The following CDK19 variants were observed in gnomAD, a reference collection of about 807,000 sequenced individuals.
CDK19 encodes the protein cyclin-dependent kinase 19.
A neutral mutation model predicts 68.3 loss-of-function variants in CDK19; 20 were observed. The observed-to-expected ratio is 0.29, with a 90% CI of 0.21 to 0.43. The LOEUF (loss-of-function observed/expected upper bound fraction) is 0.43. Among genes scored for constraint, CDK19 ranks in the 20% least tolerant of loss-of-function variants. The pLI is 1.00. For synonymous variants in CDK19, 221 were observed against 222.8 expected (o/e 0.99, Z 0.07); for missense variants, 339 against 623.5 (o/e 0.54, Z 4.86).
At chr6:110,749,396 CA>C (rs1778302095) in intron 1 of CDK19, among the ~76,000 whole-genome samples, 1 of 135,062 alleles carries the variant, frequency 7.4e-6, no homozygotes, top group African/African-American at 3.1e-5. Flanking sequence ...TTTTTTGAGA[CA>C]AATGTGTCCC....
chr6:110,627,520 T>C (rs1432378272), intron 6 of CDK19, among the ~76,000 whole-genome samples: 1 of 152,080 alleles, frequency 6.6e-6, no homozygotes, highest in African/African-American at 2.4e-5. Flanking sequence ...TCTAACCACT[T>C]TTTTTGTTGT....
chr6:110,646,358 C>G (rs535531180), intron 4 of CDK19: 1 of 1,465,366 alleles, frequency 6.8e-7, no homozygotes, highest in Non-Finnish European at 9.0e-7. Context: ...AGTGCCTCTT[C>G]CATGTGGGCG....
chr6:110,720,799 A>T (rs947171575), intron 2 of CDK19, among the ~76,000 whole-genome samples: 2 of 148,040 alleles, frequency 1.4e-5, no homozygotes, highest in Non-Finnish European at 1.5e-5. Context: ...CCCGGGAAGC[A>T]GAGGCTGCAG....
At chr6:110,793,913 C>T (rs1781758712) in intron 1 of CDK19, among the ~76,000 whole-genome samples, 1 of 152,180 alleles carries the variant, frequency 6.6e-6, no homozygotes, top group Admixed American at 6.6e-5. Context: ...CCAGCATGCC[C>T]CATCTCTGGA....
intron 1 of CDK19, among the ~76,000 whole-genome samples, chr6:110,803,334 C>T (rs1437553866): frequency 2.0e-5 from 3 of 152,332 alleles, no homozygotes; most frequent in African/African-American, 7.2e-5. Flanking sequence ...CCGCCTTGGC[C>T]TCCCAAAGTG....
At chr6:110,697,954 C>T (rs1190590673) in intron 2 of CDK19, among the ~76,000 whole-genome samples, 1 of 152,118 alleles carries the variant, frequency 6.6e-6, no homozygotes, top group Non-Finnish European at 1.5e-5. Context: ...GGATAATTCA[C>T]AAGCCACAGG....
intron 1 of CDK19, among the ~76,000 whole-genome samples, chr6:110,805,585 A>G (rs1250189390): frequency 6.6e-6 from 1 of 152,146 alleles, no homozygotes; most frequent in Non-Finnish European, 1.5e-5. Context: ...TGGAGAACCC[A>G]CCTATACAAA....
chr6:110,717,105 G>A (rs1163682856), intron 2 of CDK19, among the ~76,000 whole-genome samples: 3 of 152,096 alleles, frequency 2.0e-5, no homozygotes, highest in African/African-American at 7.2e-5. Context: ...TTCAGCCTGG[G>A]CAACAGAGCA....
chr6:110,705,955 C>T (rs1407259436), intron 2 of CDK19, among the ~76,000 whole-genome samples: 26 of 152,124 alleles, frequency 1.7e-4, no homozygotes, highest in Non-Finnish European at 4.4e-5. Context: ...ATGTAATAAA[C>T]CTGCACGTTC....
chr6:110,786,069 G>C (rs1328470609), intron 1 of CDK19, among the ~76,000 whole-genome samples: 1 of 151,690 alleles, frequency 6.6e-6, no homozygotes, highest in Admixed American at 6.6e-5. Flanking sequence ...GCAATGTTTT[G>C]GTATGGTACC....
At chr6:110,617,924 C>T (rs1778446401) in intron 12 of CDK19, among the ~76,000 whole-genome samples, 1 of 147,438 alleles carries the variant, frequency 6.8e-6, no homozygotes, top group Non-Finnish European at 1.5e-5. Flanking sequence ...GCTTAAAAAC[C>T]TAGGACATCA....
At chr6:110,641,676 A>AGGAAGGAAGGAAGGAAGGAG in intron 4 of CDK19, among the ~76,000 whole-genome samples, 3 of 151,134 alleles carry the variant, frequency 2.0e-5, no homozygotes, top group Middle Eastern at 3.4e-3. Context: ...GAAGGAAGGA[A>AGGAAGGAAGGAAGGAAGGAG]GGAAGGAAGG....
intron 2 of CDK19, among the ~76,000 whole-genome samples, chr6:110,698,141 A>G (rs1016207596): frequency 2.0e-5 from 3 of 152,128 alleles, no homozygotes; most frequent in African/African-American, 7.2e-5. Context: ...AAGCAAATGT[A>G]AAAAAAGCAA....
At chr6:110,767,719 T>C (rs1355335085) in intron 1 of CDK19, among the ~76,000 whole-genome samples, 1 of 152,098 alleles carries the variant, frequency 6.6e-6, no homozygotes, top group Non-Finnish European at 1.5e-5. Context: ...GTGATGAATA[T>C]GCTAATTATC....
intron 2 of CDK19, among the ~76,000 whole-genome samples, chr6:110,717,979 A>T (rs1275759009): frequency 6.6e-6 from 1 of 152,026 alleles, no homozygotes; most frequent in Non-Finnish European, 1.5e-5. Flanking sequence ...GGGATTACAG[A>T]GATTAGTGCC....
At chr6:110,685,419 C>G (rs1562195755) in intron 2 of CDK19, among the ~76,000 whole-genome samples, 1 of 152,148 alleles carries the variant, frequency 6.6e-6, no homozygotes, top group Non-Finnish European at 1.5e-5. Context: ...CTTCTATGTT[C>G]CCATCCATAC....
At chr6:110,793,893 C>T (rs1001662747) in intron 1 of CDK19, among the ~76,000 whole-genome samples, 6 of 152,214 alleles carry the variant, frequency 3.9e-5, no homozygotes, top group Non-Finnish European at 8.8e-5. Flanking sequence ...CCTGGCACAA[C>T]TGCACCAGCC....
intron 1 of CDK19, among the ~76,000 whole-genome samples, chr6:110,761,621 G>T (rs892902923): frequency 6.7e-6 from 1 of 148,814 alleles, no homozygotes; most frequent in African/African-American, 2.5e-5. Context: ...TTAGACAGGA[G>T]ATGTGGACTA....
At chr6:110,772,969 A>G (rs951339208) in intron 1 of CDK19, among the ~76,000 whole-genome samples, 1 of 150,324 alleles carries the variant, frequency 6.7e-6, no homozygotes, top group African/African-American at 2.5e-5. Context: ...TAATCTTAGC[A>G]CTTTGGGAGG....
Sources: gnomAD v4.1 joint callset for allele counts (sites outside exome capture counted in the v4.1 genomes callset) on GRCh38, gnomAD v4.1.1 for gene constraint, MANE v1.5 for transcripts, NCBI Gene and HGNC (gene_info 2026-07-23, HGNC 2026-07-21) for gene names.